PDS5B: variants seen among roughly 807,000 people sequenced by gnomAD.
PDS5B encodes sister chromatid cohesion protein PDS5 homolog B.
PDS5B carries 51 observed loss-of-function variants against 184.1 expected under a neutral mutation model. The ratio of observed to expected loss-of-function variants is 0.28; its 90% CI spans 0.22 to 0.35. The LOEUF (loss-of-function observed/expected upper bound fraction) is 0.35, where lower values mean the gene tolerates loss of function less well. PDS5B is among the 10% of genes least tolerant of loss of function. The probability of loss-of-function intolerance (pLI) is 1.00; values close to 1 mark genes in which losing one functional copy is unlikely to be tolerated. For synonymous variants in PDS5B, 566 were observed against 569.2 expected, an observed-to-expected ratio of 0.99 and a Z score of 0.08; for missense variants, 1,180 against 1,723.3, an observed-to-expected ratio of 0.68 and a Z score of 5.58.
chr13:32,739,227 A>G (rs529633501), intron 21 of PDS5B, among the ~76,000 whole-genome samples: 1 of 152,096 alleles, frequency 6.6e-6, no homozygotes, highest in African/African-American at 2.4e-5. Context: ...AGGGTTACCA[A>G]ATTTCCCAGC....
chr13:32,687,373 C>G, intron 12 of PDS5B, 88 bp downstream of exon 12: 1 of 965,548 alleles, frequency 1.0e-6, no homozygotes, highest in Non-Finnish European at 1.5e-6. Flanking sequence ...TCTTTATGAC[C>G]TTACACTCCT....
intron 1 of PDS5B, among the ~76,000 whole-genome samples, chr13:32,607,097 C>T (rs2058071641): frequency 6.6e-6 from 1 of 152,252 alleles, no homozygotes; most frequent in African/African-American, 2.4e-5. Flanking sequence ...TGTTCCATTG[C>T]TGGCGAAGAG....
chr13:32,760,977 C>G (rs1954375113), intron 30 of PDS5B, among the ~76,000 whole-genome samples: 1 of 152,118 alleles, frequency 6.6e-6, no homozygotes, highest in Non-Finnish European at 1.5e-5. Context: ...TTTCCAACCT[C>G]AGTGTGTAGC....
chr13:32,603,611 A>T (rs2058013035), intron 1 of PDS5B, among the ~76,000 whole-genome samples: 1 of 152,128 alleles, frequency 6.6e-6, no homozygotes, highest in South Asian at 2.1e-4. Flanking sequence ...ATTTTGAAGT[A>T]GTTTTTCCCA....
At chr13:32,629,814 CT>C (rs2058427197) in intron 1 of PDS5B, among the ~76,000 whole-genome samples, 1 of 152,126 alleles carries the variant, frequency 6.6e-6, no homozygotes, top group African/African-American at 2.4e-5. Flanking sequence ...ACTTTCTGAT[CT>C]TGGGCAAAAT....
chr13:32,610,974 C>G (rs1412496480), intron 1 of PDS5B, among the ~76,000 whole-genome samples: 1 of 151,330 alleles, frequency 6.6e-6, no homozygotes, highest in Non-Finnish European at 1.5e-5. Context: ...GAAATTATCA[C>G]TTTCCTTTTT....
chr13:32,690,199 A>G (rs1184150927), intron 13 of PDS5B: 1 of 152,186 alleles, frequency 6.6e-6, no homozygotes, highest in Non-Finnish European at 1.5e-5. Context: ...GTAGGCCAAT[A>G]TTTAGCCAGT....
intron 2 of PDS5B, chr13:32,650,308 A>AT (rs1950337610): frequency 1.3e-5 from 2 of 152,314 alleles, no homozygotes; most frequent in East Asian, 3.9e-4. Context: ...GTCTAGCAGT[A>AT]ATCCAGTTAT....
At chr13:32,752,058 G>C (rs1954003194) in intron 24 of PDS5B, among the ~76,000 whole-genome samples, 1 of 127,860 alleles carries the variant, frequency 7.8e-6, no homozygotes, top group African/African-American at 2.6e-5. Flanking sequence ...TTATTTAATT[G>C]GTGGAGTGTA....
chr13:32,770,104 T>C lies in PDS5B; in HGVS notation c.3625-17T>C, dbSNP rs1441410273. On this transcript the variant is annotated splice_polypyrimidine_tract_variant and intron_variant, in intron 31 of 34. Coordinates refer to ENST00000315596, the MANE Select transcript of PDS5B (RefSeq NM_015032.4). Reference sequence around the variant, plus strand: ...ACAATTTCATAACCATAAATTGTGATTTTTTTTTTCCCCTAGTCTGAATTG... The same window carrying C: ...ACAATTTCATAACCATAAATTGTGACTTTTTTTTTCCCCTAGTCTGAATTG... 2 of 491,374 alleles carry C rather than the reference T, an allele frequency of 4.1e-6. No homozygotes were observed. Among genetic ancestry groups the C allele is most frequent in the Non-Finnish European group, 6.2e-6 (2 of 320,360 alleles). The allele number at this position is 491,374 out of a possible 1,614,324, so 30.4% of individuals were successfully genotyped here.
intron 33 of PDS5B, chr13:32,771,064 G>A: frequency 4.4e-6 from 1 of 228,934 alleles, no homozygotes; most frequent in Non-Finnish European, 8.4e-6. Context: ...CATTGACCAG[G>A]TTGCCTTGTC....
chr13:32,639,861 A>G (rs1009116936), intron 1 of PDS5B, among the ~76,000 whole-genome samples: 2 of 152,240 alleles, frequency 1.3e-5, no homozygotes, highest in African/African-American at 4.8e-5. Flanking sequence ...ATGGCCCAGT[A>G]TGGATTCTAG....
In PDS5B at chr13:32,760,728, C is replaced by A. The variant is rs771601590; in HGVS notation, c.3518+8C>A. The A allele has an allele frequency of 3.7e-6, 6 of 1,609,340 alleles. No homozygotes were observed. The highest frequency in any genetic ancestry group is 1.7e-5 in the Admixed American group (1 of 59,152). On this transcript the variant is annotated splice_region_variant and intron_variant, in intron 30 of 34. Transcript: ENST00000315596. ...TGGAAGAATAAAGGGGAGGTAAGTG[C>A]AAAAGAAATGCCACAATTTACATTT...
At chr13:32,643,143 A>T (rs534012608) in intron 1 of PDS5B, among the ~76,000 whole-genome samples, 1 of 152,264 alleles carries the variant, frequency 6.6e-6, no homozygotes, top group Admixed American at 6.5e-5. Context: ...TAAGGCAGAG[A>T]GACTTTCTTC....
At chr13:32,644,367 T>C (rs1045894405) in intron 1 of PDS5B, among the ~76,000 whole-genome samples, 3 of 152,208 alleles carry the variant, frequency 2.0e-5, no homozygotes, top group Non-Finnish European at 4.4e-5. Flanking sequence ...TTATTGTAAG[T>C]TGAGGAACAT....
intron 17 of PDS5B, among the ~76,000 whole-genome samples, chr13:32,705,853 G>C (rs1951994574): frequency 6.6e-6 from 1 of 152,088 alleles, no homozygotes; most frequent in South Asian, 2.1e-4. Flanking sequence ...TTTATGTAGA[G>C]ACAGGGTCTC....
chr13:32,739,245 A>G (rs1758677885), intron 21 of PDS5B, among the ~76,000 whole-genome samples: 1 of 151,636 alleles, frequency 6.6e-6, no homozygotes, highest in African/African-American at 2.4e-5. Context: ...AGCACTGTTT[A>G]TTAAATATCT....
chr13:32,606,856 C>T (rs539805580), intron 1 of PDS5B, among the ~76,000 whole-genome samples: 6 of 152,322 alleles, frequency 3.9e-5, no homozygotes, highest in South Asian at 2.1e-4. Context: ...TTGATCAGAT[C>T]GGCTACTGAA....
At position 32,753,396 on chromosome 13, in the gene PDS5B, G is replaced by A. The variant is rs751511121; in HGVS notation, c.2801G>A (p.Arg934Gln). Residue 934 changes from arginine (R) to glutamine (Q), a missense_variant, in exon 25 of 35, where the codon CGG becomes CAG. Arg to Gln is a conservative substitution (Grantham distance 43, BLOSUM62 1). This residue lies in a region of PDS5B where 40 missense variants were observed against 107.2 expected (regional missense o/e 0.37). Transcript: ENST00000315596. ...CTTCACAAAGGCCTTTCCCGTTTAC[G>A]GCTTCCACTTGAGTATATGGCAATC... ...QKLHKGLSRL[R>Q]LPLEYMAICA... The A allele has an allele frequency of 1.2e-6, 2 of 1,613,756 alleles. No homozygotes were observed. Among genetic ancestry groups the A allele is most frequent in the African/African-American group, 2.7e-5 (2 of 74,890 alleles).
Sources: allele counts gnomAD v4.1 joint callset (sites outside exome capture counted in the v4.1 genomes callset), GRCh38; gene constraint gnomAD v4.1.1; regional missense constraint gnomAD v4.1.1; transcripts MANE v1.5; gene names NCBI Gene and HGNC (gene_info 2026-07-23, HGNC 2026-07-21).